Variants in CTTNBP2NL observed in about 807,000 individuals in gnomAD.
The protein encoded by CTTNBP2NL is CTTNBP2 N-terminal like.
CTTNBP2NL carries 16 observed loss-of-function variants against 32.5 expected under a neutral mutation model. The ratio of observed to expected loss-of-function variants is 0.49; its 90% CI spans 0.33 to 0.75. The LOEUF is 0.75. Ranked by LOEUF, CTTNBP2NL falls within the 30% of genes least tolerant of loss-of-function variation. CTTNBP2NL has a pLI of 0.02. For synonymous variants in CTTNBP2NL, 298 were observed against 289.4 expected (o/e 1.03, Z -0.30); for missense variants, 645 against 756.0 (o/e 0.85, Z 1.72).
intron 3 of CTTNBP2NL, among the ~76,000 whole-genome samples, chr1:112,436,473 T>A (rs1467699182): frequency 6.6e-6 from 1 of 152,146 alleles, no homozygotes; most frequent in African/African-American, 2.4e-5. Context: ...CAAAGATCAC[T>A]CCTGTTCTTC....
At chr1:112,405,601 A>T (rs546861514) in intron 1 of CTTNBP2NL, among the ~76,000 whole-genome samples, 1 of 151,868 alleles carries the variant, frequency 6.6e-6, no homozygotes, top group East Asian at 1.9e-4. Context: ...CCCAGCCCAG[A>T]CCTGTTTTTA....
At chr1:112,423,819 A>T (rs754687994) in intron 3 of CTTNBP2NL, among the ~76,000 whole-genome samples, 7 of 152,058 alleles carry the variant, frequency 4.6e-5, no homozygotes, top group Non-Finnish European at 5.9e-5. Context: ...TGGCTCCCGG[A>T]TTCAAGTGAT....
At position 112,461,156 on chromosome 1, in the gene CTTNBP2NL, G is replaced by A. The variant is rs1650541538; in HGVS notation, c.*3744G>A. The A allele has an allele frequency of 6.6e-6, 1 of 152,184 alleles. No homozygotes were observed. Among genetic ancestry groups the A allele is most frequent in the South Asian group, 2.1e-4 (1 of 4,830 alleles). The allele number at this position is 152,184 out of a possible 1,614,324, so 9.4% of individuals were successfully genotyped here. A position where few individuals can be genotyped will look rare whatever the true frequency, so the allele number is the denominator to read the frequency against. ...ATTCATTAGTAAAAATAAAGGAGGG[G>A]AAAGGAGACTGGAGTAGTGGTTCTC... On this transcript the variant is annotated 3_prime_UTR_variant, in exon 6 of 6. Transcript: ENST00000271277.
chr1:112,425,999 G>GTC (rs766697367), intron 3 of CTTNBP2NL, among the ~76,000 whole-genome samples: 40 of 121,162 alleles, frequency 3.3e-4, no homozygotes, highest in African/African-American at 9.7e-4. Context: ...GTGTGTGTGT[G>GTC]TGTGTCTGTC....
At chr1:112,395,732 G>GA (rs5777109), upstream of CTTNBP2NL, among the ~76,000 whole-genome samples, 24 of 145,694 alleles carry the variant, frequency 1.6e-4, no homozygotes, top group South Asian at 8.8e-4. Flanking sequence ...CCAGAAAAAA[G>GA]AAAAAAAAAA....
chr1:112,416,429 A>T (rs1160244851), intron 3 of CTTNBP2NL, 165 bp downstream of exon 3: 2 of 525,298 alleles, frequency 3.8e-6, no homozygotes, highest in Non-Finnish European at 3.3e-6. Flanking sequence ...TATTAGGGAC[A>T]CTGGTGAAAC....
At chr1:112,415,389 A>G (rs1332490809) in intron 2 of CTTNBP2NL, among the ~76,000 whole-genome samples, 5 of 152,160 alleles carry the variant, frequency 3.3e-5, no homozygotes, top group Non-Finnish European at 5.9e-5. Flanking sequence ...CCCGAATTTT[A>G]TTTTAACCAA....
chr1:112,399,318 CAAAAAAAA>C (rs72332884), intron 1 of CTTNBP2NL, among the ~76,000 whole-genome samples: 15 of 78,022 alleles, frequency 1.9e-4, no homozygotes, highest in South Asian at 1.1e-3. Flanking sequence ...GACTCTGTCT[CAAAAAAAA>C]AAAAAAAAAA....
chr1:112,391,295 G>C (rs1359661892), upstream of CTTNBP2NL, among the ~76,000 whole-genome samples: 3 of 152,200 alleles, frequency 2.0e-5, no homozygotes, highest in Non-Finnish European at 4.4e-5. Flanking sequence ...GTCGGGAAGC[G>C]TGAGGAAAAG....
Position 112,456,636 on chromosome 1 carries a change from GC to G in CTTNBP2NL, c.1147del (p.Gln383LysfsTer41). ...TCCACGGGAAAAATCTGTGGCATTG[GC>G]CCAAGAGAAACCAGTGGAGAATGGT... ...VPPREKSVALAQEKPVENGGC... is the reference protein window; with the variant it reads ...VPPREKSVALXQEKPVENGGC... On this transcript the variant is annotated frameshift_variant, in exon 6 of 6. Transcript: ENST00000271277. LOFTEE classifies it low-confidence loss of function (END_TRUNC). 6.2e-7 allele frequency: 1 copy of G among 1,614,136 alleles called. No individual in the cohort carries two copies. The highest frequency in any genetic ancestry group is 8.5e-7 in the Non-Finnish European group (1 of 1,180,034).
At chr1:112,429,551 G>A (rs555651124) in intron 3 of CTTNBP2NL, among the ~76,000 whole-genome samples, 5 of 152,244 alleles carry the variant, frequency 3.3e-5, no homozygotes, top group Admixed American at 6.5e-5. Flanking sequence ...GTATCTAGAA[G>A]AAATTTCACT....
chr1:112,399,503 T>C (rs1222101793), intron 1 of CTTNBP2NL, among the ~76,000 whole-genome samples: 1 of 152,046 alleles, frequency 6.6e-6, no homozygotes, highest in Non-Finnish European at 1.5e-5. Context: ...TGATTATTGA[T>C]TGTGGTGGGC....
At chr1:112,430,617 G>T (rs1459557029) in intron 3 of CTTNBP2NL, among the ~76,000 whole-genome samples, 1 of 140,086 alleles carries the variant, frequency 7.1e-6, no homozygotes, top group Non-Finnish European at 1.5e-5. Flanking sequence ...GCAGTGACGT[G>T]ATCTCGGCTC....
At chr1:112,413,500 CT>C (rs1246157796) in intron 2 of CTTNBP2NL, among the ~76,000 whole-genome samples, 1 of 152,100 alleles carries the variant, frequency 6.6e-6, no homozygotes, top group Admixed American at 6.5e-5. Context: ...CATCATCCCC[CT>C]TTCACAGATT....
chr1:112,430,878 C>T lies in CTTNBP2NL; in HGVS notation c.99+14614C>T, dbSNP rs146336280. ...GATTACAGGCATGAGCCACTGTTCC[C>T]GGCCAGCTAGCTCTTAAAAATTATT... On this transcript the variant is annotated intron_variant, in intron 3 of 5. Transcript: ENST00000271277. 3.5e-3 allele frequency among the ~76,000 whole-genome samples: 531 copies of T among 152,300 alleles called. 3 individuals carry two copies. Among genetic ancestry groups the T allele is most frequent in the African/African-American group, 0.012 (491 of 41,558 alleles).
intron 1 of CTTNBP2NL, among the ~76,000 whole-genome samples, chr1:112,402,235 A>G (rs1648527587): frequency 6.6e-6 from 1 of 152,112 alleles, no homozygotes; most frequent in Non-Finnish European, 1.5e-5. Context: ...CCTGACCAAC[A>G]TGGAGAAACC....
At chr1:112,419,747 T>A (rs1434423542) in intron 3 of CTTNBP2NL, among the ~76,000 whole-genome samples, 1 of 152,152 alleles carries the variant, frequency 6.6e-6, no homozygotes. Context: ...TTTAAAAAAA[T>A]CAGATATTAG....
intron 1 of CTTNBP2NL, among the ~76,000 whole-genome samples, chr1:112,398,414 T>G (rs757321865): frequency 2.6e-5 from 4 of 152,204 alleles, no homozygotes; most frequent in Non-Finnish European, 5.9e-5. Context: ...TTTTTTGTTT[T>G]TCATCTTTAT....
chr1:112,441,800 T>C (rs1441189572), intron 3 of CTTNBP2NL, among the ~76,000 whole-genome samples: 1 of 152,206 alleles, frequency 6.6e-6, no homozygotes, highest in African/African-American at 2.4e-5. Context: ...CCCTAATGAC[T>C]TAGGCACTTC....
Sources: gnomAD v4.1 joint callset for allele counts (sites outside exome capture counted in the v4.1 genomes callset) on GRCh38, gnomAD v4.1.1 for gene constraint, MANE v1.5 for transcripts, NCBI Gene and HGNC (gene_info 2026-07-23, HGNC 2026-07-21) for gene names.